The following NAV3 variants were observed in gnomAD, a reference collection of about 807,000 sequenced individuals.
NAV3 encodes pore membrane and/or filament interacting like protein 1.
NAV3 carries 87 observed loss-of-function variants against 244.7 expected under a neutral mutation model. The ratio of observed to expected loss-of-function variants is 0.36; its 90% CI spans 0.30 to 0.42. The LOEUF (loss-of-function observed/expected upper bound fraction) is 0.42. Among genes scored for constraint, NAV3 ranks in the 20% least tolerant of loss-of-function variants. NAV3 has a pLI of 1.00. For synonymous variants in NAV3, 1,126 were observed against 1,042.2 expected (o/e 1.08, Z -1.55); for missense variants, 2,663 against 2,893.3 (o/e 0.92, Z 1.83).
intron 2 of NAV3, among the ~76,000 whole-genome samples, chr12:77,636,573 T>C (rs1285919938): frequency 1.3e-5 from 2 of 152,042 alleles, no homozygotes; most frequent in Non-Finnish European, 2.9e-5. Flanking sequence ...TCAACCATTG[T>C]GGAAGACAGT....
rs371495894 is a variant in NAV3, at chr12:77,824,045, T to C, written c.73-116274T>C. Among the ~76,000 whole-genome samples the C allele has an allele frequency of 4.5e-4, 69 of 152,068 alleles. 1 individual carries two copies. Among genetic ancestry groups the C allele is most frequent in the Middle Eastern group, 3.4e-3 (1 of 294 alleles). ...AGATTAATGAACTTGGAAACAGTAA[T>C]AGAAGTTATGTGAATGCAAAATGAA... On this transcript the variant is annotated intron_variant, in intron 2 of 8. Transcript: ENST00000550042.
chr12:78,174,588 ATTT>A (rs1958141864), intron 24 of NAV3, among the ~76,000 whole-genome samples: 1 of 152,014 alleles, frequency 6.6e-6, no homozygotes. Flanking sequence ...TTTGATTATT[ATTT>A]GTTATTGGTA....
chr12:77,875,985 G>C (rs965120247), intron 1 of NAV3, among the ~76,000 whole-genome samples: 9 of 151,950 alleles, frequency 5.9e-5, no homozygotes, highest in African/African-American at 2.2e-4. Context: ...GCATAGGATA[G>C]ATAGAATGAC....
chr12:77,944,628 G>GA (rs1890163273), intron 3 of NAV3, among the ~76,000 whole-genome samples: 1 of 152,002 alleles, frequency 6.6e-6, no homozygotes, highest in South Asian at 2.1e-4. Flanking sequence ...AGAATATACT[G>GA]AAAAAATAGG....
intron 15 of NAV3, 110 bp downstream of exon 15, chr12:78,120,055 T>TATAAG (rs967359473): frequency 1.5e-6 from 1 of 649,488 alleles, no homozygotes; most frequent in Non-Finnish European, 2.2e-6. Context: ...GTATAAGGTA[T>TATAAG]ATATATATCT....
chr12:77,573,260 G>A (rs548178515), intron 2 of NAV3, among the ~76,000 whole-genome samples: 2 of 152,280 alleles, frequency 1.3e-5, no homozygotes, highest in Admixed American at 1.3e-4. Context: ...CAGTGGTGGA[G>A]GTAAGTTTAG....
chr12:77,878,317 C>A (rs932907040), intron 1 of NAV3, among the ~76,000 whole-genome samples: 2 of 152,082 alleles, frequency 1.3e-5, no homozygotes, highest in Non-Finnish European at 2.9e-5. Context: ...CCTCCACCTC[C>A]CTGGTTCAAG....
At chr12:77,938,924 G>A (rs1319110979) in intron 1 of NAV3, among the ~76,000 whole-genome samples, 1 of 133,606 alleles carries the variant, frequency 7.5e-6, no homozygotes, top group Non-Finnish European at 1.6e-5. Context: ...GGTTTAAAAT[G>A]TGATCTCGTG....
intron 2 of NAV3, among the ~76,000 whole-genome samples, chr12:77,680,753 A>G (rs1449089116): frequency 4.6e-5 from 7 of 151,896 alleles, no homozygotes; most frequent in Non-Finnish European, 7.3e-5. Context: ...ATATCTCTAT[A>G]CACACGAGAA....
At chr12:78,044,632 G>T in intron 9 of NAV3, among the ~76,000 whole-genome samples, 1 of 152,122 alleles carries the variant, frequency 6.6e-6, no homozygotes, top group South Asian at 2.1e-4. Flanking sequence ...AGTTCTTTTT[G>T]AAGAGGTCCT....
intron 2 of NAV3, among the ~76,000 whole-genome samples, chr12:77,631,888 G>A (rs1050437362): frequency 2.0e-5 from 3 of 152,138 alleles, no homozygotes; most frequent in Admixed American, 1.3e-4. Flanking sequence ...CCACCAAAAT[G>A]TACTGTTTGC....
At chr12:77,961,570 ATAT>A (rs1043365696) in intron 3 of NAV3, among the ~76,000 whole-genome samples, 11 of 136,744 alleles carry the variant, frequency 8.0e-5, no homozygotes, top group South Asian at 2.6e-4. Context: ...ATTAAAGTAA[ATAT>A]TATATATTAT....
intron 12 of NAV3, among the ~76,000 whole-genome samples, chr12:78,083,255 C>T (rs551579129): frequency 7.4e-4 from 112 of 152,266 alleles, no homozygotes; most frequent in African/African-American, 2.6e-3. Context: ...CATTAACCCA[C>T]TAATCTATGA....
intron 25 of NAV3, 120 bp from the exon 26 acceptor site, chr12:78,176,319 C>T: frequency 4.2e-6 from 4 of 958,796 alleles, no homozygotes; most frequent in Non-Finnish European, 6.0e-6. Context: ...GTGCTTTCTA[C>T]AAATAATGAA....
intron 12 of NAV3, among the ~76,000 whole-genome samples, chr12:78,086,912 A>G (rs974339650): frequency 6.6e-6 from 1 of 151,984 alleles, no homozygotes; most frequent in Non-Finnish European, 1.5e-5. Context: ...ACCCTATATG[A>G]CACCAACACT....
chr12:77,711,084 G>A (rs1468847971), intron 2 of NAV3, among the ~76,000 whole-genome samples: 6 of 152,172 alleles, frequency 3.9e-5, no homozygotes, highest in African/African-American at 1.2e-4. Flanking sequence ...CGGAAATTAT[G>A]TATGTTGGAA....
At chr12:77,606,931 T>A (rs556757109) in intron 2 of NAV3, among the ~76,000 whole-genome samples, 1 of 152,130 alleles carries the variant, frequency 6.6e-6, no homozygotes, top group South Asian at 2.1e-4. Flanking sequence ...ATAGAATATG[T>A]TGATTGACTT....
chr12:77,812,655 C>G (rs1288709849), intron 2 of NAV3, among the ~76,000 whole-genome samples: 6 of 151,856 alleles, frequency 4.0e-5, no homozygotes, highest in Non-Finnish European at 1.5e-5. Flanking sequence ...CCTAGGTGAT[C>G]TGCTCACCTA....
At chr12:78,205,163 C>T (rs1291981257) in intron 39 of NAV3, 25 bp downstream of exon 39, 2 of 1,602,732 alleles carry the variant, frequency 1.2e-6, no homozygotes, top group South Asian at 1.1e-5. Flanking sequence ...TTCATTTCTT[C>T]CTATGTAATC....
Sources: gnomAD v4.1 joint callset for allele counts (sites outside exome capture counted in the v4.1 genomes callset) on GRCh38, gnomAD v4.1.1 for gene constraint, MANE v1.5 for transcripts, NCBI Gene and HGNC (gene_info 2026-07-23, HGNC 2026-07-21) for gene names.